Variants in GNG2 observed in about 807,000 individuals in gnomAD.
The protein encoded by GNG2 is guanine nucleotide-binding protein G(I)/G(S)/G(O) subunit gamma-2.
GNG2 carries 5 observed loss-of-function variants against 5.5 expected under a neutral mutation model. That is an observed-to-expected ratio of 0.91 (90% CI 0.48 to 1.92). The LOEUF is 1.92. Ranked by LOEUF, GNG2 falls within the 30% of genes most tolerant of loss-of-function variation. The pLI is 0.01. For missense variants in GNG2, 55 were observed against 88.4 expected (o/e 0.62, Z 1.52); for synonymous variants, 28 against 32.0 (o/e 0.88, Z 0.42).
chr14:51,954,735 G>C (rs1432264930), intron 3 of GNG2, among the ~76,000 whole-genome samples: 2 of 152,158 alleles, frequency 1.3e-5, no homozygotes, highest in Non-Finnish European at 2.9e-5. Context: ...GGGAAGAAGG[G>C]ATTTTTAGCT....
Position 51,845,333 on chromosome 14 carries a change from A to T in GNG2, c.64+17526A>T, listed in dbSNP as rs139589706. The stretch of plus-strand genomic sequence containing the variant: ...CGGCGAAGCCCTATATCTACAAAAA[A>T]ATACCAAAATTAGTCAGGCATGGTG... On this transcript the variant is annotated intron_variant, in intron 2 of 3. Coordinates refer to the GNG2 transcript ENST00000553432. 3.3e-3 allele frequency among the ~76,000 whole-genome samples: 496 copies of T among 152,336 alleles called. 15 individuals are homozygous for T. The South Asian group carries it at 0.066, about 20-fold the overall frequency.
chr14:51,909,243 T>C (rs1671554568), intron 2 of GNG2, among the ~76,000 whole-genome samples: 1 of 152,228 alleles, frequency 6.6e-6, no homozygotes, highest in African/African-American at 2.4e-5. Flanking sequence ...GCTTTTTCCT[T>C]CAGCTTTTAA....
intron 2 of GNG2, among the ~76,000 whole-genome samples, chr14:51,886,198 CA>C (rs1884450983): frequency 6.6e-6 from 1 of 152,202 alleles, no homozygotes; most frequent in South Asian, 2.1e-4. Context: ...CATGACATAT[CA>C]ACCTGAAAAT....
At chr14:51,874,869 A>G (rs10151155) in intron 1 of GNG2, among the ~76,000 whole-genome samples, 18,962 of 152,196 alleles carry the variant, frequency 0.12, 2,350 homozygotes, top group African/African-American at 0.32. Flanking sequence ...TTCCTCTCAT[A>G]TGTGGAAAGA....
intron 1 of GNG2, among the ~76,000 whole-genome samples, chr14:51,869,723 G>C (rs1352459244): frequency 2.6e-5 from 4 of 152,118 alleles, no homozygotes; most frequent in Non-Finnish European, 5.9e-5. Context: ...GTGTTACCCA[G>C]ACTGGTCTTG....
At chr14:51,919,714 G>A (rs1049464286) in intron 2 of GNG2, among the ~76,000 whole-genome samples, 3 of 152,206 alleles carry the variant, frequency 2.0e-5, no homozygotes, top group Non-Finnish European at 2.9e-5. Context: ...TTCCGCCCTA[G>A]TAATGGATAT....
chr14:51,883,527 G>C, intron 2 of GNG2, among the ~76,000 whole-genome samples: 1 of 152,164 alleles, frequency 6.6e-6, no homozygotes, highest in East Asian at 1.9e-4. Flanking sequence ...CAGTAACAGC[G>C]TTGAGAGGTA....
intron 2 of GNG2, among the ~76,000 whole-genome samples, chr14:51,906,059 T>C (rs745370124): frequency 3.3e-5 from 5 of 152,328 alleles, no homozygotes; most frequent in Admixed American, 2.0e-4. Context: ...CTGAAACAGA[T>C]AGCATTTTCC....
At chr14:51,859,451 C>T (rs774877660), upstream of GNG2, among the ~76,000 whole-genome samples, 13 of 152,202 alleles carry the variant, frequency 8.5e-5, no homozygotes, top group Non-Finnish European at 1.5e-4. Flanking sequence ...TGCTGACTGG[C>T]GAAATCACTT....
chr14:51,927,527 G>A (rs1887401848), intron 2 of GNG2, among the ~76,000 whole-genome samples: 1 of 151,970 alleles, frequency 6.6e-6, no homozygotes, highest in Admixed American at 6.6e-5. Flanking sequence ...CCATACCCTG[G>A]GCTTTCTCCT....
rs1291515148 is a variant in GNG2 at position 51,827,562 on chromosome 14, A to G, written c.-76-106A>G. ...TAGGAGTGGTATTTTTTGATGTCAT[A>G]CAGTTCCAGACTATAACTAGCTCAG... On this transcript the variant is annotated intron_variant, in intron 1 of 3. Coordinates refer to the GNG2 transcript ENST00000553432. 7 of 598,844 alleles carry G rather than the reference A, an allele frequency of 1.2e-5. No individual in the cohort carries two copies. The East Asian group carries it at 1.8e-4, about 15-fold the overall frequency. 37.1% of individuals were successfully genotyped at this position (598,844 alleles called of 1,614,324 possible). A position where few individuals can be genotyped will look rare whatever the true frequency, so the allele number is the denominator to read the frequency against.
chr14:51,894,289 T>C (rs969083453), intron 2 of GNG2, among the ~76,000 whole-genome samples: 5 of 152,140 alleles, frequency 3.3e-5, no homozygotes, highest in African/African-American at 1.2e-4. Context: ...TTTTGCTTCG[T>C]TTGGAGTTGG....
chr14:51,893,663 A>T (rs1056319176), intron 2 of GNG2, among the ~76,000 whole-genome samples: 1 of 151,934 alleles, frequency 6.6e-6, no homozygotes, highest in South Asian at 2.1e-4. Context: ...TTGCTTAGGC[A>T]TATTTCCTCT....
In GNG2 at chr14:51,968,307, C is replaced by G. The variant is rs527780889; in HGVS notation, c.*1620C>G. On this transcript the variant is annotated 3_prime_UTR_variant, in exon 4 of 4. Transcript: ENST00000556766. ...CTTTCAAATCCCCAAATATCATCTC[C>G]ATCTCCCAATTAATTTTATTGTCTC... The G allele has an allele frequency of 2.0e-5, 3 of 152,028 alleles. No homozygotes were observed. Among genetic ancestry groups the G allele is most frequent in the Admixed American group, 6.5e-5 (1 of 15,272 alleles). The allele number at this position is 152,028 out of a possible 1,614,324, so 9.4% of individuals were successfully genotyped here.
At chr14:51,879,982 C>T (rs1203848073) in intron 2 of GNG2, among the ~76,000 whole-genome samples, 1 of 152,180 alleles carries the variant, frequency 6.6e-6, no homozygotes, top group Admixed American at 6.5e-5. Context: ...CATCTAATGT[C>T]TAATTATATA....
chr14:51,943,757 T>C (rs1172495437), intron 2 of GNG2, among the ~76,000 whole-genome samples: 1 of 152,014 alleles, frequency 6.6e-6, no homozygotes, highest in Admixed American at 6.6e-5. Context: ...GTAAAAGACT[T>C]ATTCAACAAA....
chr14:51,869,277 A>G (rs1372641502), intron 1 of GNG2, among the ~76,000 whole-genome samples: 1 of 152,224 alleles, frequency 6.6e-6, no homozygotes, highest in Non-Finnish European at 1.5e-5. Context: ...TCCTACTAAA[A>G]TGGCGTAAGC....
chr14:51,939,122 C>T (rs1332737668), intron 2 of GNG2, among the ~76,000 whole-genome samples: 1 of 152,112 alleles, frequency 6.6e-6, no homozygotes, highest in East Asian at 1.9e-4. Context: ...AAAAAAAATC[C>T]AACATCCACA....
At chr14:51,939,179 A>C (rs1207645890) in intron 2 of GNG2, among the ~76,000 whole-genome samples, 1 of 152,204 alleles carries the variant, frequency 6.6e-6, no homozygotes, top group Non-Finnish European at 1.5e-5. Context: ...AAGCCCACCT[A>C]GCGTCTAAGA....
Sources: allele counts gnomAD v4.1 joint callset (sites outside exome capture counted in the v4.1 genomes callset), GRCh38; gene constraint gnomAD v4.1.1; transcripts MANE v1.5; gene names NCBI Gene and HGNC (gene_info 2026-07-23, HGNC 2026-07-21).